SPATA17: variants seen among roughly 807,000 people sequenced by gnomAD.
SPATA17 encodes spermatogenesis associated 17, also known as spermatogenesis-associated protein 17.
Under a neutral mutation model 62.2 loss-of-function variants are expected in SPATA17, and 53 were observed. That is an observed-to-expected ratio of 0.85 (90% confidence interval 0.68 to 1.07). The LOEUF (loss-of-function observed/expected upper bound fraction) is 1.07. SPATA17 is among the 50% of genes least tolerant of loss of function. SPATA17 has a pLI of 0.00. For missense variants in SPATA17, 466 were observed against 425.5 expected, an observed-to-expected ratio of 1.10 and a Z score of -0.84; for synonymous variants, 146 against 146.8, an observed-to-expected ratio of 0.99 and a Z score of 0.04.
chr1:217,784,067 C>T (rs1370837374), intron 8 of SPATA17, among the ~76,000 whole-genome samples: 2 of 151,826 alleles, frequency 1.3e-5, no homozygotes, highest in African/African-American at 4.8e-5. Context: ...AGGATAATTC[C>T]ATTATTAGAA....
intron 3 of SPATA17, among the ~76,000 whole-genome samples, chr1:217,654,241 G>T (rs940484235): frequency 6.6e-6 from 1 of 151,210 alleles, no homozygotes; most frequent in Non-Finnish European, 1.5e-5. Context: ...TGATTCAAAC[G>T]ATTCTCCTGC....
intron 5 of SPATA17, among the ~76,000 whole-genome samples, chr1:217,704,013 G>A (rs1671666338): frequency 6.6e-6 from 1 of 151,648 alleles, no homozygotes; most frequent in African/African-American, 2.4e-5. Flanking sequence ...TTTATTTCAT[G>A]TTGCTATTCT....
chr1:217,687,053 G>T (rs1671231844), intron 5 of SPATA17, among the ~76,000 whole-genome samples: 1 of 152,120 alleles, frequency 6.6e-6, no homozygotes, highest in African/African-American at 2.4e-5. Context: ...TATTGTTGGA[G>T]ATACAGTTGT....
At chr1:217,854,177 G>T (rs1675725587) in intron 9 of SPATA17, among the ~76,000 whole-genome samples, 1 of 152,166 alleles carries the variant, frequency 6.6e-6, no homozygotes, top group Admixed American at 6.6e-5. Context: ...AAGTATGGCT[G>T]CTGGGATTGG....
chr1:217,718,774 T>C (rs966192015), intron 5 of SPATA17, among the ~76,000 whole-genome samples: 2 of 152,192 alleles, frequency 1.3e-5, no homozygotes, highest in African/African-American at 4.8e-5. Context: ...TAGAAAATTT[T>C]AACAATTAGT....
chr1:217,722,285 G>T (rs546436830), intron 5 of SPATA17, among the ~76,000 whole-genome samples: 1 of 152,086 alleles, frequency 6.6e-6, no homozygotes, highest in Non-Finnish European at 1.5e-5. Context: ...TTGGAAAAAA[G>T]AACAACTTGC....
intron 6 of SPATA17, among the ~76,000 whole-genome samples, chr1:217,751,490 AC>A (rs1672905261): frequency 6.6e-6 from 1 of 152,220 alleles, no homozygotes; most frequent in South Asian, 2.1e-4. Context: ...ATAATTTGTT[AC>A]TATTGGCAGT....
At chr1:217,646,709 A>C (rs1390224007) in intron 1 of SPATA17, among the ~76,000 whole-genome samples, 1 of 152,122 alleles carries the variant, frequency 6.6e-6, no homozygotes, top group Admixed American at 6.6e-5. Flanking sequence ...AGCCTGGCCA[A>C]TATGGTGAAA....
intron 1 of SPATA17, among the ~76,000 whole-genome samples, chr1:217,633,796 C>T (rs183025509): frequency 6.6e-6 from 1 of 152,300 alleles, no homozygotes; most frequent in African/African-American, 2.4e-5. Flanking sequence ...AGGCTTCTTC[C>T]TAATGGCTAG....
At chr1:217,832,216 T>G (rs565458617) in intron 9 of SPATA17, among the ~76,000 whole-genome samples, 1 of 152,262 alleles carries the variant, frequency 6.6e-6, no homozygotes, top group Admixed American at 6.5e-5. Flanking sequence ...ATACCACATA[T>G]AAAATGTATG....
intron 9 of SPATA17, among the ~76,000 whole-genome samples, chr1:217,852,242 G>A (rs1675683426): frequency 6.6e-6 from 1 of 152,254 alleles, no homozygotes; most frequent in East Asian, 1.9e-4. Flanking sequence ...TTATTTCTAT[G>A]TGAATTTTTT....
At chr1:217,763,184 G>C (rs1673214537) in intron 6 of SPATA17, among the ~76,000 whole-genome samples, 1 of 152,120 alleles carries the variant, frequency 6.6e-6, no homozygotes. Context: ...AACTGGACTT[G>C]GGGAGATAGA....
At chr1:217,827,761 C>A (rs776081326) in intron 9 of SPATA17, among the ~76,000 whole-genome samples, 1 of 152,100 alleles carries the variant, frequency 6.6e-6, no homozygotes, top group African/African-American at 2.4e-5. Context: ...AAGCCATTAT[C>A]TTCAGCAAAC....
rs112891914 is a variant in SPATA17 at position 217,840,833 on chromosome 1, T to C, written c.1006-21941T>C. ...GTGATTGCATCATTGCACTCCAGCC[T>C]GAGTGACACAGTGAGACCCTGTCTC... On this transcript the variant is annotated intron_variant, in intron 9 of 10. Transcript: ENST00000366933. Among the ~76,000 whole-genome samples the C allele has an allele frequency of 1.9e-3, 288 of 152,096 alleles. 3 individuals are homozygous for C. The highest frequency in any genetic ancestry group is 6.7e-3 in the African/African-American group (279 of 41,504).
intron 1 of SPATA17, among the ~76,000 whole-genome samples, chr1:217,636,877 A>G (rs1669954125): frequency 6.6e-6 from 1 of 152,244 alleles, no homozygotes. Flanking sequence ...ACAAGTAAAT[A>G]ACACTTAAAA....
intron 8 of SPATA17, among the ~76,000 whole-genome samples, chr1:217,793,221 G>T (rs11117936): frequency 0.71 from 89,664 of 126,598 alleles, 31,246 homozygotes; most frequent in Non-Finnish European, 0.75. Context: ...AGTGGTTTTT[G>T]TTTTTTTTTT....
chr1:217,638,157 T>G (rs1210558158), intron 1 of SPATA17, among the ~76,000 whole-genome samples: 1 of 152,092 alleles, frequency 6.6e-6, no homozygotes, highest in Non-Finnish European at 1.5e-5. Context: ...CTTTTTTCAT[T>G]AAAAACGTAA....
chr1:217,785,102 G>C (rs1404612168), intron 8 of SPATA17: 1 of 152,088 alleles, frequency 6.6e-6, no homozygotes, highest in Admixed American at 6.6e-5. Context: ...TCAGTTTCTA[G>C]AAGCATTCCT....
intron 3 of SPATA17, among the ~76,000 whole-genome samples, chr1:217,668,465 G>T (rs188637869): frequency 1.8e-4 from 27 of 152,206 alleles, no homozygotes; most frequent in African/African-American, 6.0e-4. Flanking sequence ...GTGTTAAAAT[G>T]AATATTAAAT....
Sources: gnomAD v4.1 joint callset for allele counts (sites outside exome capture counted in the v4.1 genomes callset) on GRCh38, gnomAD v4.1.1 for gene constraint, MANE v1.5 for transcripts, NCBI Gene and HGNC (gene_info 2026-07-23, HGNC 2026-07-21) for gene names.